Variants in API5 observed in about 807,000 individuals in gnomAD.
API5 encodes FIF.
API5 carries 6 observed loss-of-function variants against 71.9 expected under a neutral mutation model. The observed-to-expected ratio is 0.08, with a 90% CI of 0.05 to 0.16. The LOEUF (loss-of-function observed/expected upper bound fraction) is 0.16, where lower values mean the gene tolerates loss of function less well. API5 is among the 10% of genes least tolerant of loss of function. API5 has a pLI of 1.00. For synonymous variants in API5, 189 were observed against 221.3 expected (o/e 0.85, Z 1.30); for missense variants, 332 against 612.8 (o/e 0.54, Z 4.84).
chr11:43,342,810 G>A lies in API5; in HGVS notation c.*300G>A. On this transcript the variant is annotated 3_prime_UTR_variant, in exon 14 of 14. Transcript: ENST00000531273. ...TCTTGATAATTTGTTGTTGAGAGCT[G>A]TTCATTCTAAAATGTAATGAAATTC... is the stretch of plus-strand genomic sequence containing the variant. The A allele has an allele frequency of 1.7e-6, 1 of 583,318 alleles. No homozygotes were observed. Among genetic ancestry groups the A allele is most frequent in the African/African-American group, 1.9e-5 (1 of 53,514 alleles). 36.1% of individuals were successfully genotyped at this position (583,318 alleles called of 1,614,324 possible).
chr11:43,337,261 A>G (rs376071606), intron 13 of API5, among the ~76,000 whole-genome samples: 16 of 152,244 alleles, frequency 1.1e-4, no homozygotes, highest in African/African-American at 3.4e-4. Flanking sequence ...CAGGAGGCCA[A>G]AGCTACTGTA....
intron 1 of API5, among the ~76,000 whole-genome samples, chr11:43,318,240 C>A (rs771289319): frequency 1.4e-4 from 21 of 152,066 alleles, no homozygotes; most frequent in Non-Finnish European, 3.1e-4. Flanking sequence ...AACTCCTGAC[C>A]TCAGGTGATC....
At chr11:43,318,925 G>A (rs1854771130) in intron 2 of API5, 124 bp downstream of exon 2, 1 of 933,952 alleles carries the variant, frequency 1.1e-6, no homozygotes, top group East Asian at 2.7e-5. Context: ...GTCTGGCATG[G>A]CATCACACCC....
At chr11:43,337,970 A>C (rs140825994) in intron 13 of API5, among the ~76,000 whole-genome samples, 141 of 152,342 alleles carry the variant, frequency 9.3e-4, no homozygotes, top group African/African-American at 3.1e-3. Flanking sequence ...TTTTTTAAAA[A>C]GACACAAAAA....
chr11:43,336,103 T>C (rs1855425180), intron 13 of API5, 109 bp downstream of exon 13: 1 of 1,380,714 alleles, frequency 7.2e-7, no homozygotes, highest in African/African-American at 1.5e-5. Flanking sequence ...ATCCAATGAC[T>C]TTTCTGAATT....
chr11:43,319,193 A>G (rs1361984979), intron 2 of API5, among the ~76,000 whole-genome samples: 5 of 152,196 alleles, frequency 3.3e-5, no homozygotes. Flanking sequence ...CTACCCTTAT[A>G]TATTTTGCAT....
chr11:43,333,320 C>T (rs1320528355), intron 11 of API5, among the ~76,000 whole-genome samples: 1 of 152,166 alleles, frequency 6.6e-6, no homozygotes, highest in African/African-American at 2.4e-5. Context: ...TTAAAAGTCT[C>T]AGGGTCCAAT....
chr11:43,318,816 G>A lies in API5; in HGVS notation c.231+15G>A. 1 of 1,605,230 alleles carries A rather than the reference G, an allele frequency of 6.2e-7. No individual in the cohort carries two copies. Among genetic ancestry groups the A allele is most frequent in the Non-Finnish European group, 8.5e-7 (1 of 1,175,618 alleles). ...AAGATGTATCTGTAAGTTTATGAAT[G>A]ACACTTCATAGCAATCTTTCAGATG... is the stretch of plus-strand genomic sequence containing the variant. On this transcript the variant is annotated intron_variant, in intron 2 of 13. Coordinates refer to ENST00000531273, the MANE Select transcript of API5 (RefSeq NM_001142930.2).
chr11:43,326,340 T>C (rs986523458), intron 6 of API5, among the ~76,000 whole-genome samples, 167 bp from the exon 7 acceptor site: 1 of 152,208 alleles, frequency 6.6e-6, no homozygotes, highest in Non-Finnish European at 1.5e-5. Flanking sequence ...CCTTCGTAGA[T>C]CACCTATTGA....
intron 8 of API5, 122 bp downstream of exon 8, chr11:43,328,000 G>T: frequency 1.9e-6 from 1 of 537,224 alleles, no homozygotes; most frequent in Non-Finnish European, 3.1e-6. Context: ...ATCCTAATAA[G>T]TATTGTTAGC....
intron 7 of API5, among the ~76,000 whole-genome samples, 197 bp downstream of exon 7, chr11:43,326,808 G>A (rs1855092163): frequency 6.6e-6 from 1 of 152,186 alleles, no homozygotes; most frequent in African/African-American, 2.4e-5. Flanking sequence ...CAATGGGAAA[G>A]CCTTACCTGT....
chr11:43,337,435 T>A (rs567515973), intron 13 of API5, among the ~76,000 whole-genome samples: 16 of 152,350 alleles, frequency 1.1e-4, no homozygotes, highest in African/African-American at 3.8e-4. Flanking sequence ...ATTCTTCTAA[T>A]GTCTGAACAA....
At chr11:43,331,993 A>C (rs906494207) in intron 11 of API5, 2 of 152,228 alleles carry the variant, frequency 1.3e-5, no homozygotes, top group African/African-American at 4.8e-5. Context: ...GTCTATGTTG[A>C]ATATACAATG....
At chr11:43,313,520 G>A (rs889316717) in intron 1 of API5, among the ~76,000 whole-genome samples, 1 of 151,994 alleles carries the variant, frequency 6.6e-6, no homozygotes, top group Non-Finnish European at 1.5e-5. Flanking sequence ...ATTAACAGTC[G>A]TGGGAGTACC....
At chr11:43,325,385 G>A (rs1054766331) in intron 6 of API5, among the ~76,000 whole-genome samples, 16 of 152,146 alleles carry the variant, frequency 1.1e-4, no homozygotes, top group African/African-American at 3.6e-4. Flanking sequence ...GTTTACAAAT[G>A]GATCACTCAT....
chr11:43,335,099 A>G (rs1238268203), intron 11 of API5, among the ~76,000 whole-genome samples, 179 bp from the exon 12 acceptor site: 1 of 152,222 alleles, frequency 6.6e-6, no homozygotes, highest in East Asian at 1.9e-4. Flanking sequence ...GCACAAAATT[A>G]TGTTAATGAG....
intron 13 of API5, 131 bp downstream of exon 13, chr11:43,336,125 C>A: frequency 8.2e-7 from 1 of 1,219,324 alleles, no homozygotes; most frequent in Non-Finnish European, 1.1e-6. Flanking sequence ...GCTTGGAGAA[C>A]TAGGGCTGTT....
At chr11:43,339,739 G>A (rs1302629996) in intron 13 of API5, among the ~76,000 whole-genome samples, 1 of 152,148 alleles carries the variant, frequency 6.6e-6, no homozygotes, top group South Asian at 2.1e-4. Flanking sequence ...ATCTACATTT[G>A]TGTGAGTCCA....
At position 43,334,813 on chromosome 11, in the gene API5, T is replaced by TTTTG. The variant is rs764159144; in HGVS notation, c.1279-453_1279-450dup. Among the ~76,000 whole-genome samples the TTTTG allele has an allele frequency of 2.6e-5, 4 of 152,308 alleles. No homozygotes were observed. The South Asian group carries it at 6.2e-4, about 24-fold the overall frequency. ...GATTAGCCAGAGTTTTAGTGGTTTT[T>TTTTG]TTTGTTTGTTTGTTTTTACTTTTCC... On this transcript the variant is annotated intron_variant, in intron 11 of 13. Coordinates refer to ENST00000531273, the MANE Select transcript of API5 (RefSeq NM_001142930.2).
Sources: gnomAD v4.1 joint callset for allele counts (sites outside exome capture counted in the v4.1 genomes callset) on GRCh38, gnomAD v4.1.1 for gene constraint, MANE v1.5 for transcripts, NCBI Gene and HGNC (gene_info 2026-07-23, HGNC 2026-07-21) for gene names.